SIM2: variants seen among roughly 807,000 people sequenced by gnomAD.
The protein encoded by SIM2 is single-minded homolog 2.
A neutral mutation model predicts 64.8 loss-of-function variants in SIM2; 28 were observed. That is an observed-to-expected ratio of 0.43 (90% CI 0.32 to 0.59). The LOEUF (loss-of-function observed/expected upper bound fraction) is 0.59. Ranked by LOEUF, SIM2 falls within the 20% of genes least tolerant of loss-of-function variation. SIM2 has a pLI of 0.07. For synonymous variants in SIM2, 408 were observed against 391.1 expected (o/e 1.04, Z -0.51); for missense variants, 847 against 871.4 (o/e 0.97, Z 0.35).
At chr21:36,703,937 G>T (rs535304547) in intron 1 of SIM2, among the ~76,000 whole-genome samples, 1 of 152,252 alleles carries the variant, frequency 6.6e-6, no homozygotes, top group Non-Finnish European at 1.5e-5. Context: ...CAGTGCCACT[G>T]CAAACCTGGC....
At chr21:36,717,259 G>A (rs369817202) in intron 3 of SIM2, among the ~76,000 whole-genome samples, 3 of 152,086 alleles carry the variant, frequency 2.0e-5, no homozygotes, top group Admixed American at 6.5e-5. Context: ...GTTGTTTCCC[G>A]AAAACACATC....
Position 36,699,877 on chromosome 21 carries a change from G to A in SIM2, c.131G>A (p.Arg44His). 3 of 1,607,660 alleles carry A rather than the reference G, an allele frequency of 1.9e-6. No homozygotes were observed. The highest frequency in any genetic ancestry group is 2.2e-5 in the East Asian group (1 of 44,582). The change falls in exon 1 of 11, where the codon CGC becomes CAC. Residue 44 changes from arginine to histidine, a missense_variant. Physicochemically the swap from Arg to His is conservative, Grantham distance 29 (BLOSUM62 0). Around this residue, in one of 3 missense-constraint regions of SIM2, gnomAD observed 397 missense variants for 439.2 expected, o/e 0.90. Transcript: ENST00000290399. This position sits in a 1 kb window ranked among gnomAD's most constrained non-coding sequence, Gnocchi z 5.6. ...CAGCTGGACAAAGCGTCCATCATCC[G>A]CCTCACCACGAGCTACCTGAAGATG... is the stretch of plus-strand genomic sequence containing the variant. ...TSQLDKASII[R>H]LTTSYLKMRA...
At chr21:36,710,495 G>T (rs1336377351) in intron 2 of SIM2, 1 of 152,222 alleles carries the variant, frequency 6.6e-6, no homozygotes, top group South Asian at 2.1e-4. Flanking sequence ...CCTCATCAAC[G>T]ACCCGATTCA....
chr21:36,725,199 A>C (rs2123462051), intron 5 of SIM2, among the ~76,000 whole-genome samples: 1 of 152,122 alleles, frequency 6.6e-6, no homozygotes, highest in African/African-American at 2.4e-5. Flanking sequence ...TTTTTTAAAA[A>C]ATTAGCCAGG....
intron 8 of SIM2, 42 bp from the exon 9 acceptor site, chr21:36,743,345 C>A (rs1568941535): frequency 1.3e-6 from 2 of 1,573,758 alleles, no homozygotes; most frequent in South Asian, 2.4e-5. Context: ...GCTCGGCCTC[C>A]AGCGCCTGCT....
intron 7 of SIM2, among the ~76,000 whole-genome samples, chr21:36,739,361 C>CT (rs1028473512): frequency 1.3e-5 from 2 of 152,140 alleles, no homozygotes; most frequent in African/African-American, 4.8e-5. Flanking sequence ...CACGTGCCCA[C>CT]TTTTTCATAA....
intron 7 of SIM2, among the ~76,000 whole-genome samples, chr21:36,739,286 T>C (rs990108076): frequency 1.3e-5 from 2 of 152,140 alleles, no homozygotes; most frequent in African/African-American, 4.8e-5. Flanking sequence ...AATGAGGAAA[T>C]TGAGTCACAG....
At chr21:36,738,584 G>C (rs1244839701) in intron 7 of SIM2, among the ~76,000 whole-genome samples, 1 of 152,196 alleles carries the variant, frequency 6.6e-6, no homozygotes, top group Non-Finnish European at 1.5e-5. Flanking sequence ...AGAGGCCGCT[G>C]CTCCCTCCTC....
intron 1 of SIM2, among the ~76,000 whole-genome samples, chr21:36,707,059 G>T (rs1047920361): frequency 6.6e-6 from 1 of 152,116 alleles, no homozygotes; most frequent in African/African-American, 2.4e-5. Flanking sequence ...AAGTCTTCCC[G>T]CCATGGGCTT....
intron 7 of SIM2, among the ~76,000 whole-genome samples, chr21:36,733,686 A>G (rs1276076745): frequency 6.6e-6 from 1 of 151,638 alleles, no homozygotes; most frequent in African/African-American, 2.4e-5. Flanking sequence ...CAGCCTCCCA[A>G]GTAGCTGGGA....
In SIM2 at chr21:36,749,700, C is replaced by A. The variant is rs1250716572; in HGVS notation, c.*1608C>A. Reference sequence around the variant, plus strand: ...GCCGAGGGTATTATTTTTTTATGTTCATGAGTCTTGTAATTAAACCGTGAT... The same window carrying A: ...GCCGAGGGTATTATTTTTTTATGTTAATGAGTCTTGTAATTAAACCGTGAT... On this transcript the variant is annotated 3_prime_UTR_variant, in exon 11 of 11. Coordinates refer to ENST00000290399, the MANE Select transcript of SIM2 (RefSeq NM_005069.6). 6.6e-6 allele frequency: 1 copy of A among 152,128 alleles called. No individual in the cohort carries two copies. The highest frequency in any genetic ancestry group is 1.9e-4 in the East Asian group (1 of 5,198). 9.4% of individuals were successfully genotyped at this position (152,128 alleles called of 1,614,324 possible).
At position 36,726,301 on chromosome 21, in the gene SIM2, G is replaced by T. The variant is rs150678635; in HGVS notation, c.726G>T (p.Leu242=). 118 of 1,612,840 alleles carry T rather than the reference G, an allele frequency of 7.3e-5. No individual in the cohort carries two copies. The East Asian group carries it at 9.8e-4, about 13-fold the overall frequency. Residue 242 remains leucine, a synonymous_variant, in exon 6 of 11, where the codon CTG becomes CTT. Transcript: ENST00000290399. This position sits in a 1 kb window ranked among gnomAD's most constrained non-coding sequence, Gnocchi z 4.5. ...TCAGGGCCAGCCTTGACCTGAAGCT[G>T]ATATTCCTGGATTCCAGGTGAGTTC... The part of the protein sequence containing the change: ...FMFRASLDLK[L]IFLDSRVTEV...
Position 36,712,524 on chromosome 21 carries a change from C to A in SIM2, c.259-9C>A. ...ATCATCTCTTATTCTGACACTTTATCTTTTACAGACTTTGGATGGATTTGT... is the reference window on the plus strand; with the variant it reads ...ATCATCTCTTATTCTGACACTTTATATTTTACAGACTTTGGATGGATTTGT... On this transcript the variant is annotated splice_polypyrimidine_tract_variant and intron_variant, in intron 2 of 10. Transcript: ENST00000290399. 6.3e-7 allele frequency: 1 copy of A among 1,588,476 alleles called. No individual in the cohort carries two copies. Among genetic ancestry groups the A allele is most frequent in the Non-Finnish European group, 8.6e-7 (1 of 1,157,110 alleles).
intron 1 of SIM2, chr21:36,701,371 G>C (rs978169279): frequency 6.6e-6 from 1 of 152,412 alleles, no homozygotes; most frequent in Non-Finnish European, 1.5e-5. Context: ...TGTGCTGGCC[G>C]CTGGGTCTGG....
rs376407690 is a variant in SIM2 at position 36,737,222 on chromosome 21, C to T, written c.851-4495C>T. 9.2e-5 allele frequency among the ~76,000 whole-genome samples: 14 copies of T among 152,332 alleles called. 2 individuals carry two copies. Among genetic ancestry groups the T allele is most frequent in the Admixed American group, 5.2e-4 (8 of 15,302 alleles). Reference sequence around the variant, plus strand: ...GGGATTACAGGCATGAGCCACCATACCCGGCCCCAGAACATTCTGTAAAGA... The same window carrying T: ...GGGATTACAGGCATGAGCCACCATATCCGGCCCCAGAACATTCTGTAAAGA... On this transcript the variant is annotated intron_variant, in intron 7 of 10. Coordinates refer to ENST00000290399, the MANE Select transcript of SIM2 (RefSeq NM_005069.6).
chr21:36,732,495 G>C (rs1385327040), intron 7 of SIM2, among the ~76,000 whole-genome samples: 1 of 152,188 alleles, frequency 6.6e-6, no homozygotes, highest in Non-Finnish European at 1.5e-5. Context: ...ACTGGGACCC[G>C]GGAACTCGAT....
rs142307289 is a variant in SIM2, at chr21:36,723,261, C to A, written c.543+131C>A. Reference sequence around the variant, plus strand: ...CCACTAATGTAGAGCTCTCCAGCAACGTGGTGCACAGTCTCTTGGAGGCTC... The same window carrying A: ...CCACTAATGTAGAGCTCTCCAGCAAAGTGGTGCACAGTCTCTTGGAGGCTC... On this transcript the variant is annotated intron_variant, in intron 5 of 10. Transcript: ENST00000290399. 4.6e-4 allele frequency: 327 copies of A among 716,304 alleles called. 1 individual carries two copies. The African/African-American group carries it at 5.4e-3, about 12-fold the overall frequency. 44.4% of individuals were successfully genotyped at this position (716,304 alleles called of 1,614,324 possible).
chr21:36,745,083 C>A lies in SIM2; in HGVS notation c.1523C>A (p.Pro508His). 1 of 1,613,260 alleles carries A rather than the reference C, an allele frequency of 6.2e-7. No homozygotes were observed. The highest frequency in any genetic ancestry group is 8.5e-7 in the Non-Finnish European group (1 of 1,179,374). The change falls in exon 10 of 11, where the codon CCT becomes CAT. Residue 508 changes from proline (P) to histidine (H), a missense_variant. Physicochemically the swap from Pro to His is moderately conservative, Grantham distance 77. Around this residue, in one of 3 missense-constraint regions of SIM2, gnomAD observed 447 missense variants for 414.6 expected, o/e 1.08. Coordinates refer to ENST00000290399, the MANE Select transcript of SIM2 (RefSeq NM_005069.6). This position sits in a 1 kb window ranked among gnomAD's most constrained non-coding sequence, Gnocchi z 4.8. ...AGCAGCTCGTCTCCAGCTAAAAATC[C>A]TCCAGAGCCACCGGCGAACACTGCT... Reference protein sequence around the residue: ...VPSSSSPAKNPPEPPANTARH... With the variant: ...VPSSSSPAKNHPEPPANTARH...
At chr21:36,714,095 G>A (rs141900074) in intron 3 of SIM2, among the ~76,000 whole-genome samples, 8 of 152,272 alleles carry the variant, frequency 5.3e-5, no homozygotes, top group Non-Finnish European at 1.0e-4. Context: ...GGCAATGACC[G>A]CAATTACCTT....
Sources: allele counts gnomAD v4.1 joint callset (sites outside exome capture counted in the v4.1 genomes callset), GRCh38; gene constraint gnomAD v4.1.1; regional missense constraint gnomAD v4.1.1; non-coding constraint Gnocchi (gnomAD v3.1); transcripts MANE v1.5; gene names NCBI Gene and HGNC (gene_info 2026-07-23, HGNC 2026-07-21).